The following INSL4 variants were observed in gnomAD, a reference collection of about 807,000 sequenced individuals.
INSL4 encodes the protein early placenta insulin-like peptide.
Under a neutral mutation model 6.5 loss-of-function variants are expected in INSL4, and 7 were observed. The ratio of observed to expected loss-of-function variants is 1.08; its 90% CI spans 0.61 to 2.02. The LOEUF is 2.02. INSL4 is among the 30% of genes most tolerant of loss of function. The pLI, the probability that INSL4 is intolerant of heterozygous loss-of-function variation, is 0.00. For synonymous variants in INSL4, 82 were observed against 65.8 expected (o/e 1.25, Z -1.19); for missense variants, 226 against 163.2 (o/e 1.38, Z -2.09).
At chr9:5,232,414 G>A (rs951573309) in intron 1 of INSL4, among the ~76,000 whole-genome samples, 7 of 152,106 alleles carry the variant, frequency 4.6e-5, no homozygotes, top group African/African-American at 1.7e-4. Context: ...TGAGAGAGAT[G>A]AGATGAAGAG....
In INSL4 at chr9:5,233,741, A is replaced by G. The variant is rs2130951904; in HGVS notation, c.284A>G (p.Lys95Arg). 1 of 1,613,842 alleles carries G rather than the reference A, an allele frequency of 6.2e-7. No individual in the cohort carries two copies. Among genetic ancestry groups the G allele is most frequent in the South Asian group, 1.1e-5 (1 of 91,082 alleles). Residue 95 changes from lysine to arginine, a missense_variant, in exon 2 of 2, where the codon AAA (lysine) becomes AGA (arginine). Lys to Arg is a conservative substitution (Grantham distance 26). Coordinates refer to ENST00000239316, the MANE Select transcript of INSL4 (RefSeq NM_002195.2). The stretch of plus-strand genomic sequence containing the variant: ...CCTAATTTGTCACCAGAGCTGAAGA[A>G]ACCACTGTCTGAAGGGCAGCCATCA... ...FIPNLSPELK[K>R]PLSEGQPSLK...
Position 5,233,699 on chromosome 9 carries a change from C to A in INSL4, c.242C>A (p.Thr81Lys). The A allele has an allele frequency of 6.2e-7, 1 of 1,613,558 alleles. No individual in the cohort carries two copies. Among genetic ancestry groups the A allele is most frequent in the Non-Finnish European group, 8.5e-7 (1 of 1,179,694 alleles). The part of the protein sequence containing the change: ...SNNKDGQALG[T>K]TSEFIPNLSP... ...AACAAAGATGGACAAGCCTTAGGTA[C>A]GACATCAGAATTCATTCCTAATTTG... Residue 81 changes from threonine to lysine, a missense_variant, in exon 2 of 2, where the codon ACG becomes AAG. Thr to Lys is a moderately conservative substitution (Grantham distance 78). Coordinates refer to ENST00000239316, the MANE Select transcript of INSL4 (RefSeq NM_002195.2).
rs1328933279 is a variant in INSL4 at position 5,234,742 on chromosome 9, T to A, written c.*865T>A. 2 of 152,160 alleles carry A rather than the reference T, an allele frequency of 1.3e-5. No individual in the cohort carries two copies. The highest frequency in any genetic ancestry group is 6.6e-5 in the Admixed American group (1 of 15,248). The allele number at this position is 152,160 out of a possible 1,614,324, so 9.4% of individuals were successfully genotyped here. On this transcript the variant is annotated 3_prime_UTR_variant, in exon 2 of 2. Transcript: ENST00000239316. ...ACATTTTATACTCTGTCAGTGAGGT[T>A]CTACTAGTTGTGTTTGTTTGTTTGC...
Position 5,233,690 on chromosome 9 carries a change from C to A in INSL4, c.233C>A (p.Ala78Asp). 1.9e-6 allele frequency: 3 copies of A among 1,613,574 alleles called. No homozygotes were observed. The highest frequency in any genetic ancestry group is 2.5e-6 in the Non-Finnish European group (3 of 1,179,704). ...VSTSNNKDGQ[A>D]LGTTSEFIPN... ...ACCTCCAACAACAAAGATGGACAAG[C>A]CTTAGGTACGACATCAGAATTCATT... is the stretch of plus-strand genomic sequence containing the variant. The change falls in exon 2 of 2, where the codon GCC (alanine) becomes GAC (aspartate). Residue 78 changes from alanine to aspartate, a missense_variant. By Grantham distance (126) the Ala-to-Asp change is moderately radical. Transcript: ENST00000239316.
In INSL4 at chr9:5,233,979, G is replaced by C; in HGVS notation, c.*102G>C. ...ATGATTGCTGTTTATTAGAACATGA[G>C]AATCATTATTAGTATTCACATGTTT... On this transcript the variant is annotated 3_prime_UTR_variant, in exon 2 of 2. Coordinates refer to ENST00000239316, the MANE Select transcript of INSL4 (RefSeq NM_002195.2). The C allele has an allele frequency of 1.3e-6, 1 of 772,904 alleles. No homozygotes were observed. The highest frequency in any genetic ancestry group is 2.2e-6 in the Non-Finnish European group (1 of 458,954). The allele number at this position is 772,904 out of a possible 1,614,324, so 47.9% of individuals were successfully genotyped here. A position where few individuals can be genotyped will look rare whatever the true frequency, so the allele number is the denominator to read the frequency against.
rs1453100145 is a variant in INSL4, at chr9:5,234,893, C to G, written c.*1016C>G. The G allele has an allele frequency of 2.0e-5, 3 of 151,926 alleles. No homozygotes were observed. The highest frequency in any genetic ancestry group is 4.4e-5 in the Non-Finnish European group (3 of 68,022). 9.4% of individuals were successfully genotyped at this position (151,926 alleles called of 1,614,324 possible). A position where few individuals can be genotyped will look rare whatever the true frequency, so the allele number is the denominator to read the frequency against. On this transcript the variant is annotated 3_prime_UTR_variant, in exon 2 of 2. Coordinates refer to ENST00000239316, the MANE Select transcript of INSL4 (RefSeq NM_002195.2). ...GAATCTAGTGTGGGACATGGAGAAG[C>G]AAAGGATAATAAGTGCAATGATACT...
intron 1 of INSL4, among the ~76,000 whole-genome samples, chr9:5,232,427 A>G (rs928406817): frequency 6.6e-6 from 1 of 152,192 alleles, no homozygotes; most frequent in East Asian, 1.9e-4. Flanking sequence ...ATGAAGAGAA[A>G]GAAAGTGGCC....
At position 5,234,137 on chromosome 9, in the gene INSL4, G is replaced by A. The variant is rs1227763314; in HGVS notation, c.*260G>A. 9 of 385,534 alleles carry A rather than the reference G, an allele frequency of 2.3e-5. No homozygotes were observed. The highest frequency in any genetic ancestry group is 4.3e-5 in the Non-Finnish European group (9 of 211,384). 23.9% of individuals were successfully genotyped at this position (385,534 alleles called of 1,614,324 possible). A position where few individuals can be genotyped will look rare whatever the true frequency, so the allele number is the denominator to read the frequency against. The stretch of plus-strand genomic sequence containing the variant: ...ACTGTATATTCCAAAATAGCTAGAA[G>A]AGAATTGTAATGATTCCAACACAAA... On this transcript the variant is annotated 3_prime_UTR_variant, in exon 2 of 2. Transcript: ENST00000239316.
chr9:5,233,680 G>C lies in INSL4; in HGVS notation c.223G>C (p.Asp75His), dbSNP rs752484283. The part of the protein sequence containing the change: ...KEMVSTSNNK[D>H]GQALGTTSEF... The stretch of plus-strand genomic sequence containing the variant: ...AATGGTGTCAACCTCCAACAACAAA[G>C]ATGGACAAGCCTTAGGTACGACATC... Residue 75 changes from aspartate to histidine, a missense_variant, in exon 2 of 2, where the codon GAT becomes CAT. Physicochemically the swap from Asp to His is moderately conservative, Grantham distance 81. Coordinates refer to ENST00000239316, the MANE Select transcript of INSL4 (RefSeq NM_002195.2). The C allele has an allele frequency of 8.1e-6, 13 of 1,613,386 alleles. No homozygotes were observed. The highest frequency in any genetic ancestry group is 1.6e-4 in the Middle Eastern group (1 of 6,074).
chr9:5,231,509 G>C lies in INSL4; in HGVS notation c.-15G>C, dbSNP rs112085279. On this transcript the variant is annotated 5_prime_UTR_variant, in exon 1 of 2. Transcript: ENST00000239316. ...AAGGCTGAGAACACCCAGAACAGGA[G>C]AGTTCAGGTCCAGGATGGCCAGCCT... 1,105 of 1,609,980 alleles carry C rather than the reference G, an allele frequency of 6.9e-4. 8 individuals are homozygous for C. In the African/African-American group the frequency reaches 0.013, roughly 19 times the overall value.
intron 1 of INSL4, among the ~76,000 whole-genome samples, chr9:5,232,392 C>T (rs1460451898): frequency 6.6e-6 from 1 of 152,024 alleles, no homozygotes. Context: ...TGAATCTACT[C>T]TTGTAGTGTG....
intron 1 of INSL4, 108 bp downstream of exon 1, chr9:5,231,827 CA>C: frequency 1.0e-6 from 1 of 957,456 alleles, no homozygotes; most frequent in Non-Finnish European, 1.5e-6. Context: ...CTAGTGCCTA[CA>C]AGTTTGTGGT....
chr9:5,233,657 T>A lies in INSL4; in HGVS notation c.200T>A (p.Met67Lys). 2 of 1,611,218 alleles carry A rather than the reference T, an allele frequency of 1.2e-6. No homozygotes were observed. The highest frequency in any genetic ancestry group is 1.7e-6 in the Non-Finnish European group (2 of 1,177,780). ...WLLESGRPKEMVSTSNNKDGQ... is the reference protein window; with the variant it reads ...WLLESGRPKEKVSTSNNKDGQ... ...ATTCCTCTCTTTTACTTCACAGAAA[T>A]GGTGTCAACCTCCAACAACAAAGAT... The change falls in exon 2 of 2, where the codon ATG becomes AAG. Residue 67 changes from methionine to lysine, a missense_variant. By Grantham distance (95) the Met-to-Lys change is moderately conservative (BLOSUM62 -1). Coordinates refer to ENST00000239316, the MANE Select transcript of INSL4 (RefSeq NM_002195.2).
Position 5,231,732 on chromosome 9 carries a change from G to A in INSL4, c.196+13G>A, listed in dbSNP as rs895763390. 1 of 1,611,396 alleles carries A rather than the reference G, an allele frequency of 6.2e-7. No individual in the cohort carries two copies. Among genetic ancestry groups the A allele is most frequent in the Non-Finnish European group, 8.5e-7 (1 of 1,178,266 alleles). ...GGACGTCCCAAAGGTGAGAGCCCTG[G>A]ACTACCAAACAATCAGAATGAGGCC... On this transcript the variant is annotated intron_variant, in intron 1 of 1. Transcript: ENST00000239316.
Position 5,234,676 on chromosome 9 carries a change from T to C in INSL4, c.*799T>C, listed in dbSNP as rs750190773. On this transcript the variant is annotated 3_prime_UTR_variant, in exon 2 of 2. Coordinates refer to ENST00000239316, the MANE Select transcript of INSL4 (RefSeq NM_002195.2). ...ATACTGGCATTCCTCTGGCTACACA[T>C]ACCTCCTCCCTATGTGTCTCTAAAT... 1 of 152,378 alleles carries C rather than the reference T, an allele frequency of 6.6e-6. No homozygotes were observed. Among genetic ancestry groups the C allele is most frequent in the Admixed American group, 6.6e-5 (1 of 15,254 alleles). The allele number at this position is 152,378 out of a possible 1,614,324, so 9.4% of individuals were successfully genotyped here.
chr9:5,231,654 C>T lies in INSL4; in HGVS notation c.131C>T (p.Pro44Leu), dbSNP rs1826147435. The T allele has an allele frequency of 3.1e-6, 5 of 1,613,680 alleles. No homozygotes were observed. Among genetic ancestry groups the T allele is most frequent in the Non-Finnish European group, 4.2e-6 (5 of 1,179,858 alleles). ...GGAAAACACTTGCTGTCATATTGCC[C>T]CATGCCTGAGAAGACATTCACCACC... ...RFGKHLLSYC[P>L]MPEKTFTTTP... Residue 44 changes from proline (P) to leucine (L), a missense_variant, in exon 1 of 2, where the codon CCC becomes CTC. Physicochemically the swap from Pro to Leu is moderately conservative, Grantham distance 98. Transcript: ENST00000239316.
At position 5,234,409 on chromosome 9, in the gene INSL4, T is replaced by G. The variant is rs1826195947; in HGVS notation, c.*532T>G. The G allele has an allele frequency of 6.4e-6, 1 of 156,468 alleles. No individual in the cohort carries two copies. Among genetic ancestry groups the G allele is most frequent in the Non-Finnish European group, 1.4e-5 (1 of 71,030 alleles). The allele number at this position is 156,468 out of a possible 1,614,324, so 9.7% of individuals were successfully genotyped here. ...GAAGAAATGTAAGAGATAAAGGATC[T>G]AACCATCTCTAACATCAGCTCATAG... On this transcript the variant is annotated 3_prime_UTR_variant, in exon 2 of 2. Coordinates refer to ENST00000239316, the MANE Select transcript of INSL4 (RefSeq NM_002195.2).
intron 1 of INSL4, 114 bp downstream of exon 1, chr9:5,231,833 T>C: frequency 1.1e-6 from 1 of 919,194 alleles, no homozygotes; most frequent in South Asian, 1.8e-5. Flanking sequence ...CCTACAAGTT[T>C]GTGGTTTTTC....
Position 5,231,610 on chromosome 9 carries a change from G to A in INSL4, c.87G>A (p.Arg29=). Residue 29 remains arginine, a synonymous_variant, in exon 1 of 2, where the codon AGG becomes AGA. Transcript: ENST00000239316. ...GAGAAAGCCTAGCAGCAGAGCTGAG[G>A]GGATGTGGTCCCCGATTTGGAAAAC... is the stretch of plus-strand genomic sequence containing the variant. ...LLRESLAAEL[R]GCGPRFGKHL... The A allele has an allele frequency of 6.2e-7, 1 of 1,613,908 alleles. No homozygotes were observed.
Sources: allele counts gnomAD v4.1 joint callset (sites outside exome capture counted in the v4.1 genomes callset), GRCh38; gene constraint gnomAD v4.1.1; transcripts MANE v1.5; gene names NCBI Gene and HGNC (gene_info 2026-07-23, HGNC 2026-07-21).